The following EIPR1 variants were observed in gnomAD, a reference collection of about 807,000 sequenced individuals.
EIPR1 encodes EARP and GARP complex-interacting protein 1.
Under a neutral mutation model 48.1 loss-of-function variants are expected in EIPR1, and 25 were observed. The ratio of observed to expected loss-of-function variants is 0.52; its 90% CI spans 0.38 to 0.73. The LOEUF (loss-of-function observed/expected upper bound fraction) is 0.73. Ranked by LOEUF, EIPR1 falls within the 30% of genes least tolerant of loss-of-function variation. The pLI, the probability that EIPR1 is intolerant of heterozygous loss-of-function variation, is 0.00. For missense variants in EIPR1, 415 were observed against 506.2 expected, an observed-to-expected ratio of 0.82 and a Z score of 1.73; for synonymous variants, 204 against 201.9, an observed-to-expected ratio of 1.01 and a Z score of -0.09.
chr2:3,323,318 G>A (rs984099279), intron 3 of EIPR1, among the ~76,000 whole-genome samples: 12 of 152,224 alleles, frequency 7.9e-5, no homozygotes, highest in African/African-American at 2.9e-4. Context: ...CAAAGGTGAT[G>A]TGGGGGTGGT....
chr2:3,308,091 C>T (rs1669006687), intron 3 of EIPR1, among the ~76,000 whole-genome samples: 1 of 152,188 alleles, frequency 6.6e-6, no homozygotes, highest in African/African-American at 2.4e-5. Context: ...CGTGTGTGGC[C>T]ACGGAGGCCT....
intron 3 of EIPR1, among the ~76,000 whole-genome samples, chr2:3,326,064 G>A (rs1204029378): frequency 6.6e-6 from 1 of 152,188 alleles, no homozygotes; most frequent in Non-Finnish European, 1.5e-5. Context: ...GGCTATGGCT[G>A]CAGCACTGCC....
intron 3 of EIPR1, among the ~76,000 whole-genome samples, chr2:3,302,618 C>T (rs1227804177): frequency 1.4e-4 from 22 of 152,252 alleles, no homozygotes; most frequent in Non-Finnish European, 4.4e-5. Flanking sequence ...AGTGACGTGA[C>T]GTCGCGGAAC....
At chr2:3,223,334 C>T (rs951088148) in intron 4 of EIPR1, among the ~76,000 whole-genome samples, 7 of 152,090 alleles carry the variant, frequency 4.6e-5, no homozygotes, top group African/African-American at 1.4e-4. Flanking sequence ...CACCGGCACC[C>T]GGGTTCCTGG....
At chr2:3,373,305 C>A (rs1482169033) in intron 1 of EIPR1, among the ~76,000 whole-genome samples, 2 of 151,614 alleles carry the variant, frequency 1.3e-5, no homozygotes, top group Non-Finnish European at 2.9e-5. Context: ...GAAGCATTCC[C>A]TTTGAAAACT....
intron 3 of EIPR1, among the ~76,000 whole-genome samples, chr2:3,295,677 C>A (rs1668549312): frequency 7.2e-6 from 1 of 139,236 alleles, no homozygotes; most frequent in African/African-American, 2.8e-5. Context: ...TCACACACAC[C>A]CTCCATGCAG....
intron 3 of EIPR1, chr2:3,320,044 A>C (rs1428762972): frequency 5.4e-6 from 1 of 183,754 alleles, no homozygotes; most frequent in Non-Finnish European, 1.1e-5. Context: ...CCTGCGGGCA[A>C]CACCACCCCT....
chr2:3,352,471 TA>T (rs1252785868), intron 2 of EIPR1, among the ~76,000 whole-genome samples: 1 of 151,672 alleles, frequency 6.6e-6, no homozygotes, highest in Non-Finnish European at 1.5e-5. Context: ...TTGATCAGCA[TA>T]TCCATGCTAC....
intron 3 of EIPR1, among the ~76,000 whole-genome samples, chr2:3,273,876 C>T (rs1340669271): frequency 6.6e-6 from 1 of 152,086 alleles, no homozygotes; most frequent in Non-Finnish European, 1.5e-5. Context: ...CAGAGCATTC[C>T]AATGACTTCA....
At chr2:3,308,677 G>A (rs1189487137) in intron 3 of EIPR1, among the ~76,000 whole-genome samples, 1 of 152,150 alleles carries the variant, frequency 6.6e-6, no homozygotes, top group Non-Finnish European at 1.5e-5. Flanking sequence ...ATCTCAAGTA[G>A]CATACACCCC....
At chr2:3,271,054 A>G (rs1307330134) in intron 3 of EIPR1, among the ~76,000 whole-genome samples, 1 of 152,230 alleles carries the variant, frequency 6.6e-6, no homozygotes, top group Non-Finnish European at 1.5e-5. Flanking sequence ...AGTAGATTCC[A>G]TCTCAAGAAA....
intron 3 of EIPR1, among the ~76,000 whole-genome samples, chr2:3,268,045 C>T (rs910244856): frequency 2.0e-5 from 3 of 152,206 alleles, no homozygotes; most frequent in African/African-American, 7.2e-5. Flanking sequence ...GGGGCTTCCA[C>T]GCCATGGTCC....
At chr2:3,267,626 A>G (rs1667530872) in intron 3 of EIPR1, among the ~76,000 whole-genome samples, 1 of 152,234 alleles carries the variant, frequency 6.6e-6, no homozygotes, top group East Asian at 1.9e-4. Flanking sequence ...GGCCACCAGA[A>G]GCTATTTGCT....
chr2:3,265,906 T>C (rs1301506414), intron 3 of EIPR1, among the ~76,000 whole-genome samples: 1 of 152,244 alleles, frequency 6.6e-6, no homozygotes, highest in Admixed American at 6.5e-5. Flanking sequence ...CTGACTCCCA[T>C]AACAGCCCCC....
chr2:3,242,245 C>T (rs985251669), intron 4 of EIPR1, among the ~76,000 whole-genome samples: 1 of 136,462 alleles, frequency 7.3e-6, no homozygotes, highest in South Asian at 2.3e-4. Context: ...ACCATGGGCC[C>T]GGCAGCAGCC....
At chr2:3,247,808 T>G (rs889656056) in intron 4 of EIPR1, among the ~76,000 whole-genome samples, 3 of 152,246 alleles carry the variant, frequency 2.0e-5, no homozygotes, top group South Asian at 4.1e-4. Context: ...AAAGAAACCT[T>G]TCTTATCTAC....
At chr2:3,364,950 C>G (rs562289319) in intron 1 of EIPR1, among the ~76,000 whole-genome samples, 23 of 152,008 alleles carry the variant, frequency 1.5e-4, no homozygotes, top group Non-Finnish European at 2.9e-4. Context: ...AACAGTCTAT[C>G]GTACATTTCA....
intron 5 of EIPR1, among the ~76,000 whole-genome samples, chr2:3,205,730 G>A (rs1227403183): frequency 6.6e-6 from 1 of 152,192 alleles, no homozygotes; most frequent in Non-Finnish European, 1.5e-5. Flanking sequence ...AATGCCCCGA[G>A]CTTGAACCCC....
chr2:3,310,937 T>C (rs934530761), intron 3 of EIPR1, among the ~76,000 whole-genome samples: 10 of 152,094 alleles, frequency 6.6e-5, no homozygotes, highest in Non-Finnish European at 1.5e-4. Context: ...AATTGCTGGG[T>C]AAAAAATAAA....
Sources: gnomAD v4.1 joint callset for allele counts (sites outside exome capture counted in the v4.1 genomes callset) on GRCh38, gnomAD v4.1.1 for gene constraint, MANE v1.5 for transcripts, NCBI Gene and HGNC (gene_info 2026-07-23, HGNC 2026-07-21) for gene names.